The following OGA variants were observed in gnomAD, a reference collection of about 807,000 sequenced individuals.
The protein encoded by OGA is protein O-GlcNAcase.
A neutral mutation model predicts 102.0 loss-of-function variants in OGA; 21 were observed. That is an observed-to-expected ratio of 0.21 (90% CI 0.15 to 0.30). The LOEUF (loss-of-function observed/expected upper bound fraction) is 0.30, where lower values mean the gene tolerates loss of function less well. Among genes scored for constraint, OGA ranks in the 10% least tolerant of loss-of-function variants. The probability of loss-of-function intolerance (pLI) is 1.00; values close to 1 mark genes in which losing one functional copy is unlikely to be tolerated. For missense variants in OGA, 765 were observed against 1,107.8 expected, an observed-to-expected ratio of 0.69 and a Z score of 4.39; for synonymous variants, 408 against 378.2, an observed-to-expected ratio of 1.08 and a Z score of -0.91.
chr10:101,790,992 C>T lies in OGA; in HGVS notation c.2358G>A (p.Val786=). Residue 786 remains valine (V), a synonymous_variant, in exon 14 of 16, where the codon GTG becomes GTA. Transcript: ENST00000361464. The part of the protein sequence containing the change: ...ICGYALGTVD[V]TPFIKKCKIS... The stretch of plus-strand genomic sequence containing the variant: ...TTTTACATTTTTTAATAAAGGGGGT[C>T]ACATCTACAGTGCCCAAGGCATAAC... 1.9e-6 allele frequency: 3 copies of T among 1,613,724 alleles called. No homozygotes were observed. Among genetic ancestry groups the T allele is most frequent in the Non-Finnish European group, 2.5e-6 (3 of 1,179,810 alleles).
At chr10:101,803,228 T>C (rs2065419100) in intron 7 of OGA, among the ~76,000 whole-genome samples, 1 of 152,010 alleles carries the variant, frequency 6.6e-6, no homozygotes, top group Non-Finnish European at 1.5e-5. Context: ...TCTAGTTATC[T>C]AAAATATCCT....
chr10:101,794,167 T>C, intron 10 of OGA, 169 bp from the exon 11 acceptor site: 2 of 457,232 alleles, frequency 4.4e-6, no homozygotes, highest in Non-Finnish European at 7.9e-6. Context: ...GTTAACGGCA[T>C]TTCAATACTA....
intron 8 of OGA, among the ~76,000 whole-genome samples, chr10:101,799,960 C>T (rs2065367879): frequency 6.6e-6 from 1 of 152,180 alleles, no homozygotes; most frequent in African/African-American, 2.4e-5. Context: ...GCAACCTCTG[C>T]CTCCCAGGTT....
Position 101,818,125 on chromosome 10 carries a change from GC to G in OGA, c.-104del. 13 of 1,397,648 alleles carry G rather than the reference GC, an allele frequency of 9.3e-6. No homozygotes were observed. Among genetic ancestry groups the G allele is most frequent in the Non-Finnish European group, 1.2e-5 (13 of 1,077,002 alleles). 86.6% of individuals were successfully genotyped at this position (1,397,648 alleles called of 1,614,324 possible). A position where few individuals can be genotyped will look rare whatever the true frequency, so the allele number is the denominator to read the frequency against. The stretch of plus-strand genomic sequence containing the variant: ...GAGAGGGCTTCAGCTCCAAGTGTGC[GC>G]CCCTCCGGCTCCTTCCCCTCCCCCT... On this transcript the variant is annotated 5_prime_UTR_variant, in exon 1 of 16. Coordinates refer to ENST00000361464, the MANE Select transcript of OGA (RefSeq NM_012215.5).
intron 3 of OGA, 82 bp downstream of exon 3, chr10:101,812,948 T>A: frequency 2.7e-6 from 3 of 1,110,468 alleles, no homozygotes; most frequent in Non-Finnish European, 4.1e-6. Flanking sequence ...TAAAATGTCA[T>A]AAAATTCTTG....
chr10:101,812,807 T>TG (rs2065575781), intron 3 of OGA: 2 of 613,002 alleles, frequency 3.3e-6, no homozygotes, highest in African/African-American at 1.8e-5. Flanking sequence ...ACAGAACAGA[T>TG]GGAGTCAGCC....
rs1444867189 is a variant in OGA at position 101,787,433 on chromosome 10, T to G, written c.2545A>C (p.Lys849Gln). Residue 849 changes from lysine (K) to glutamine (Q), a missense_variant, in exon 15 of 16, where the codon AAA becomes CAA. Transcript: ENST00000361464. ...GCCACACTTGGGTCAGTTACTTTTT[T>G]GTGAATGTCCATCTTTATCAGAGAA... The part of the protein sequence containing the change: ...FPSLIKMDIH[K>Q]KVTDPSVAKS... 11 of 1,614,196 alleles carry G rather than the reference T, an allele frequency of 6.8e-6. No homozygotes were observed. The highest frequency in any genetic ancestry group is 9.3e-6 in the Non-Finnish European group (11 of 1,180,000).
chr10:101,800,920 G>A (rs886777730), intron 7 of OGA, among the ~76,000 whole-genome samples: 10 of 151,860 alleles, frequency 6.6e-5, no homozygotes, highest in African/African-American at 1.7e-4. Flanking sequence ...GACTACAGGC[G>A]CATGCCACCA....
chr10:101,790,262 C>CTT (rs2065242315), intron 14 of OGA, among the ~76,000 whole-genome samples: 3 of 125,426 alleles, frequency 2.4e-5, no homozygotes, highest in Non-Finnish European at 3.3e-5. Context: ...ACCATAATAT[C>CTT]TTGTTTTTTT....
At chr10:101,788,998 G>T (rs576457488) in intron 14 of OGA, among the ~76,000 whole-genome samples, 1 of 152,242 alleles carries the variant, frequency 6.6e-6, no homozygotes, top group South Asian at 2.1e-4. Flanking sequence ...ACATGAAAAT[G>T]TGCAAATTTT....
At chr10:101,817,390 T>C (rs2065646846) in intron 1 of OGA, among the ~76,000 whole-genome samples, 1 of 152,162 alleles carries the variant, frequency 6.6e-6, no homozygotes, top group Non-Finnish European at 1.5e-5. Context: ...CAAACGTGCT[T>C]CTCTTCACTC....
intron 4 of OGA, among the ~76,000 whole-genome samples, chr10:101,809,030 C>T (rs1176012920): frequency 2.0e-5 from 3 of 152,102 alleles, no homozygotes; most frequent in Admixed American, 6.5e-5. Flanking sequence ...GCAGCTTTTA[C>T]ATTAAGCAGA....
At chr10:101,789,976 AAAC>A (rs541737210) in intron 14 of OGA, among the ~76,000 whole-genome samples, 93 of 152,302 alleles carry the variant, frequency 6.1e-4, no homozygotes, top group Middle Eastern at 3.4e-3. Flanking sequence ...CACTGTCTCA[AAAC>A]AACAACAACA....
chr10:101,787,655 A>G (rs1056314054), intron 14 of OGA, 132 bp from the exon 15 acceptor site: 1 of 721,256 alleles, frequency 1.4e-6, no homozygotes, highest in Non-Finnish European at 2.2e-6. Context: ...CTCACACAGG[A>G]TTATCCTATA....
rs377194260 is a variant in OGA at position 101,787,328 on chromosome 10, G to A, written c.2614+36C>T. ...AAATATATAGTTCTTTCCCTATCTT[G>A]CCCAAATACCACCAACTCCACAAAT... On this transcript the variant is annotated intron_variant, in intron 15 of 15. Transcript: ENST00000361464. 6.7e-5 allele frequency: 102 copies of A among 1,532,340 alleles called. No homozygotes were observed. Among genetic ancestry groups the A allele is most frequent in the Non-Finnish European group, 8.7e-5 (98 of 1,128,732 alleles). 94.9% of individuals were successfully genotyped at this position (1,532,340 alleles called of 1,614,324 possible).
In OGA at chr10:101,797,973, C is replaced by T; in HGVS notation, c.1984+7G>A. ...TGAGGAGAAGAGATTATTCCTGGTG[C>T]ACCTACCTAACCACTGTACAAAAGA... On this transcript the variant is annotated splice_region_variant and intron_variant, in intron 10 of 15. Coordinates refer to ENST00000361464, the MANE Select transcript of OGA (RefSeq NM_012215.5). 6.2e-7 allele frequency: 1 copy of T among 1,609,464 alleles called. No homozygotes were observed. The highest frequency in any genetic ancestry group is 8.5e-7 in the Non-Finnish European group (1 of 1,176,886).
chr10:101,793,452 A>G (rs1428272975), intron 11 of OGA, among the ~76,000 whole-genome samples: 4 of 152,244 alleles, frequency 2.6e-5, no homozygotes, highest in Non-Finnish European at 5.9e-5. Context: ...AAATTCCAGC[A>G]GCAAAAAAAC....
At chr10:101,792,744 A>G in intron 12 of OGA, 95 bp downstream of exon 12, 1 of 839,340 alleles carries the variant, frequency 1.2e-6, no homozygotes, top group South Asian at 1.9e-5. Context: ...TGCAGTTTTA[A>G]GACAGAAGGA....
At chr10:101,812,375 T>C (rs1324356363) in intron 3 of OGA, among the ~76,000 whole-genome samples, 1 of 152,092 alleles carries the variant, frequency 6.6e-6, no homozygotes, top group Admixed American at 6.6e-5. Flanking sequence ...ACCACTGCAC[T>C]CCAGCCTGGG....
Sources: allele counts gnomAD v4.1 joint callset (sites outside exome capture counted in the v4.1 genomes callset), GRCh38; gene constraint gnomAD v4.1.1; transcripts MANE v1.5; gene names NCBI Gene and HGNC (gene_info 2026-07-23, HGNC 2026-07-21).